Variants in OR7A5 observed in about 807,000 individuals in gnomAD.
The protein encoded by OR7A5 is olfactory receptor 7A5.
For synonymous variants in OR7A5, 140 were observed against 146.7 expected (o/e 0.95, Z 0.33); for missense variants, 319 against 377.9 (o/e 0.84, Z 1.29).
intron 1 of OR7A5, among the ~76,000 whole-genome samples, chr19:14,833,367 T>C (rs1359376555): frequency 6.6e-6 from 1 of 152,202 alleles, no homozygotes; most frequent in Non-Finnish European, 1.5e-5. Flanking sequence ...CAGTCCAAGC[T>C]ACTCAGGAGG....
At chr19:14,832,320 A>G (rs2044840926) in intron 1 of OR7A5, among the ~76,000 whole-genome samples, 1 of 152,138 alleles carries the variant, frequency 6.6e-6, no homozygotes, top group Admixed American at 6.5e-5. Flanking sequence ...ATTATAGCAC[A>G]AGGTCAAAAT....
intron 1 of OR7A5, among the ~76,000 whole-genome samples, chr19:14,831,411 G>A (rs1005965258): frequency 1.3e-5 from 2 of 151,870 alleles, no homozygotes; most frequent in African/African-American, 4.8e-5. Context: ...CACTTTTCTT[G>A]TATTTCCTGT....
Position 14,827,294 on chromosome 19 carries a change from C to G in OR7A5, c.948G>C (p.Lys316Asn), listed in dbSNP as rs1229718532. The change falls in exon 2 of 2, where the codon AAG (lysine) becomes AAC (asparagine). Residue 316 changes from lysine (K) to asparagine (N), a missense_variant. Transcript: ENST00000322301. ...TAGAGCCCTGCAATCATGGGCACTT[C>G]TTGAAAAATTGCCCTTTCATTGTTC... ...LWGTMKGQFF[K>N]KCP The G allele has an allele frequency of 6.5e-7, 1 of 1,549,480 alleles. No homozygotes were observed. Among genetic ancestry groups the G allele is most frequent in the African/African-American group, 1.4e-5 (1 of 72,738 alleles).
At chr19:14,829,662 T>C (rs148217263) in intron 1 of OR7A5, among the ~76,000 whole-genome samples, 1 of 152,356 alleles carries the variant, frequency 6.6e-6, no homozygotes, top group East Asian at 1.9e-4. Flanking sequence ...TCTGTCTAGA[T>C]GCTGTTGCAC....
chr19:14,830,126 G>A (rs1169041795), intron 1 of OR7A5, among the ~76,000 whole-genome samples: 2 of 152,168 alleles, frequency 1.3e-5, no homozygotes, highest in East Asian at 1.9e-4. Flanking sequence ...GCCTCCCAAA[G>A]TGCTGGAATT....
chr19:14,828,059 G>A lies in OR7A5; in HGVS notation c.183C>T (p.Phe61=), dbSNP rs1406575186. Residue 61 remains phenylalanine, a synonymous_variant, in exon 2 of 2, where the codon TTC becomes TTT. Transcript: ENST00000322301. ...CAGCAAAGGACAGGTTGGAGAGGAAGAAGTACATGGGGGTGTGGAGGTGGG... is the reference window on the plus strand; with the variant it reads ...CAGCAAAGGACAGGTTGGAGAGGAAAAAGTACATGGGGGTGTGGAGGTGGG... The part of the protein sequence containing the change: ...SDSHLHTPMY[F]FLSNLSFADI... 6.2e-7 allele frequency: 1 copy of A among 1,614,220 alleles called. No individual in the cohort carries two copies. The highest frequency in any genetic ancestry group is 1.7e-5 in the Admixed American group (1 of 60,030).
chr19:14,830,459 A>G (rs2044820150), intron 1 of OR7A5, among the ~76,000 whole-genome samples: 1 of 151,320 alleles, frequency 6.6e-6, no homozygotes, highest in African/African-American at 2.4e-5. Context: ...ACTGACTCCA[A>G]GGAGACAAAG....
In OR7A5 at chr19:14,828,108, A is replaced by G; in HGVS notation, c.134T>C (p.Ile45Thr). The change falls in exon 2 of 2, where the codon ATC (isoleucine) becomes ACC (threonine). Residue 45 changes from isoleucine to threonine, a missense_variant. Transcript: ENST00000322301. The stretch of plus-strand genomic sequence containing the variant: ...GGAGTCTGAGATTGTGGCCAGGATG[A>G]TGAGCAGGTTCCCGAGCACAGTGAC... ...YLVTVLGNLL[I>T]ILATISDSHL... 1 of 1,614,156 alleles carries G rather than the reference A, an allele frequency of 6.2e-7. No individual in the cohort carries two copies. Among genetic ancestry groups the G allele is most frequent in the Non-Finnish European group, 8.5e-7 (1 of 1,180,024 alleles).
chr19:14,829,328 C>T (rs1236320199), intron 1 of OR7A5, among the ~76,000 whole-genome samples: 4 of 152,314 alleles, frequency 2.6e-5, no homozygotes, highest in African/African-American at 7.2e-5. Context: ...CTCAGCCTCC[C>T]GAGTAGCTGG....
chr19:14,827,904 A>G lies in OR7A5; in HGVS notation c.338T>C (p.Phe113Ser), dbSNP rs1303628806. The stretch of plus-strand genomic sequence containing the variant: ...GTCATAGGCCATCACGGACAGGAGG[A>G]AGTTTTCAAATCCAGCAAAGAGTAT... ...FFILFAGFENFLLSVMAYDRF... is the reference protein window; with the variant it reads ...FFILFAGFENSLLSVMAYDRF... The change falls in exon 2 of 2, where the codon TTC becomes TCC. Residue 113 changes from phenylalanine (F) to serine (S), a missense_variant. Physicochemically the swap from Phe to Ser is radical, Grantham distance 155. Transcript: ENST00000322301. 1 of 1,614,102 alleles carries G rather than the reference A, an allele frequency of 6.2e-7. No individual in the cohort carries two copies. Among genetic ancestry groups the G allele is most frequent in the Non-Finnish European group, 8.5e-7 (1 of 1,180,040 alleles).
rs2044791972 is a variant in OR7A5 at position 14,828,100 on chromosome 19, C to T, written c.142G>A (p.Ala48Thr). ...TGGAGGTGGGAGTCTGAGATTGTGG[C>T]CAGGATGATGAGCAGGTTCCCGAGC... ...TVLGNLLIIL[A>T]TISDSHLHTP... is the part of the protein sequence containing the mutation. Residue 48 changes from alanine (A) to threonine (T), a missense_variant, in exon 2 of 2, where the codon GCC becomes ACC. Physicochemically the swap from Ala to Thr is moderately conservative, Grantham distance 58. Transcript: ENST00000322301. 1 of 1,613,950 alleles carries T rather than the reference C, an allele frequency of 6.2e-7. No homozygotes were observed. Among genetic ancestry groups the T allele is most frequent in the Non-Finnish European group, 8.5e-7 (1 of 1,179,996 alleles).
In OR7A5 at chr19:14,827,068, G is replaced by A; in HGVS notation, c.*214C>T. On this transcript the variant is annotated 3_prime_UTR_variant, in exon 2 of 2. Transcript: ENST00000322301. Reference sequence around the variant, plus strand: ...GATCCAAAGTCGGAAATAACCTTGAGAAAGTAGGAAAACAACAAAGAGAAA... The same window carrying A: ...GATCCAAAGTCGGAAATAACCTTGAAAAAGTAGGAAAACAACAAAGAGAAA... 4.8e-6 allele frequency: 2 copies of A among 413,772 alleles called. No homozygotes were observed. Among genetic ancestry groups the A allele is most frequent in the African/African-American group, 4.1e-5 (2 of 48,618 alleles). The allele number at this position is 413,772 out of a possible 1,614,324, so 25.6% of individuals were successfully genotyped here. A position where few individuals can be genotyped will look rare whatever the true frequency, so the allele number is the denominator to read the frequency against.
rs62122651 is a variant in OR7A5, at chr19:14,827,488, A to G, written c.754T>C (p.Tyr252His). The G allele has an allele frequency of 1.1e-5, 18 of 1,614,046 alleles. No homozygotes were observed. Among genetic ancestry groups the G allele is most frequent in the South Asian group, 3.3e-5 (3 of 91,082 alleles). Residue 252 changes from tyrosine (Y) to histidine (H), a missense_variant, in exon 2 of 2, where the codon TAT becomes CAT. By Grantham distance (83) the Tyr-to-His change is moderately conservative (BLOSUM62 2). Transcript: ENST00000322301. ...ASHLSVVSLFYGAILGVYLSS... is the reference protein window; with the variant it reads ...ASHLSVVSLFHGAILGVYLSS... ...AGGTACACCCCTAGGATTGCACCAT[A>G]AAATAAGGAGACAACTGAGAGGTGA...
chr19:14,827,912 A>G lies in OR7A5; in HGVS notation c.330T>C (p.Phe110=). The change falls in exon 2 of 2, where the codon TTT becomes TTC. Residue 110 remains phenylalanine, a synonymous_variant. Transcript: ENST00000322301. ...QMYFFILFAG[F]ENFLLSVMAY... ...CCATCACGGACAGGAGGAAGTTTTC[A>G]AATCCAGCAAAGAGTATGAAAAAAT... 1 of 1,614,220 alleles carries G rather than the reference A, an allele frequency of 6.2e-7. No homozygotes were observed. Among genetic ancestry groups the G allele is most frequent in the Non-Finnish European group, 8.5e-7 (1 of 1,180,034 alleles).
chr19:14,829,491 C>T (rs1277822799), intron 1 of OR7A5, among the ~76,000 whole-genome samples: 1 of 152,228 alleles, frequency 6.6e-6, no homozygotes, highest in Non-Finnish European at 1.5e-5. Context: ...GCATGAGCCA[C>T]TGCACCTGGT....
chr19:14,830,910 G>A (rs986585496), intron 1 of OR7A5, among the ~76,000 whole-genome samples: 1 of 152,170 alleles, frequency 6.6e-6, no homozygotes, highest in Non-Finnish European at 1.5e-5. Context: ...AAAAATGCAA[G>A]TTAGCTCACT....
Position 14,828,228 on chromosome 19 carries a change from T to C in OR7A5, c.14A>G (p.Asn5Ser). The C allele has an allele frequency of 1.9e-6, 3 of 1,611,086 alleles. No homozygotes were observed. Among genetic ancestry groups the C allele is most frequent in the Non-Finnish European group, 2.5e-6 (3 of 1,177,864 alleles). MEPG[N>S]DTQISEFLLL... ...AAGAAATTCTGAAATTTGTGTATCA[T>C]TTCCTGGTTCCATTTGATTGAAGTG... The change falls in exon 2 of 2, where the codon AAT becomes AGT. Residue 5 changes from asparagine (N) to serine (S), a missense_variant. By Grantham distance (46) the Asn-to-Ser change is conservative (BLOSUM62 1). Transcript: ENST00000322301.
At chr19:14,829,189 T>G (rs8101893) in intron 1 of OR7A5, among the ~76,000 whole-genome samples, 1 of 151,948 alleles carries the variant, frequency 6.6e-6, no homozygotes, top group Non-Finnish European at 1.5e-5. Flanking sequence ...TACAAAAACT[T>G]TGAGGGATGT....
intron 1 of OR7A5, among the ~76,000 whole-genome samples, chr19:14,831,678 C>T (rs904197544): frequency 2.0e-5 from 3 of 151,958 alleles, no homozygotes; most frequent in South Asian, 2.1e-4. Flanking sequence ...CTCCTGACCT[C>T]GTGATCCGCC....
Sources: gnomAD v4.1 joint callset for allele counts (sites outside exome capture counted in the v4.1 genomes callset) on GRCh38, gnomAD v4.1.1 for gene constraint, MANE v1.5 for transcripts, NCBI Gene and HGNC (gene_info 2026-07-23, HGNC 2026-07-21) for gene names.